The following BMPER variants were observed in gnomAD, a reference collection of about 807,000 sequenced individuals.
BMPER encodes BMP binding endothelial regulator.
Under a neutral mutation model 87.3 loss-of-function variants are expected in BMPER, and 45 were observed. The observed-to-expected ratio is 0.52, with a 90% CI of 0.41 to 0.66. The LOEUF (loss-of-function observed/expected upper bound fraction) is 0.66. Among genes scored for constraint, BMPER ranks in the 30% least tolerant of loss-of-function variants. BMPER has a pLI of 0.00. For missense variants in BMPER, 784 were observed against 867.5 expected, an observed-to-expected ratio of 0.90 and a Z score of 1.21; for synonymous variants, 326 against 316.2, an observed-to-expected ratio of 1.03 and a Z score of -0.33.
chr7:33,944,362 TCGC>T (rs1290639340), intron 3 of BMPER, among the ~76,000 whole-genome samples: 2 of 152,102 alleles, frequency 1.3e-5, no homozygotes, highest in African/African-American at 4.8e-5. Flanking sequence ...AGATGAGGTT[TCGC>T]TGTGTTGGCC....
At position 34,062,017 on chromosome 7, in the gene BMPER, A is replaced by C; in HGVS notation, c.1048A>C (p.Arg350=). The change falls in exon 11 of 15, where the codon AGA becomes CGA. Residue 350 remains arginine, a synonymous_variant. Transcript: ENST00000649409. ...TTCTGATTAGGGCAAAATTCTCAAC[A>C]GAAAAGGATGCTGTCCTATTTGCAC... The part of the protein sequence containing the change: ...SSCPQGKILN[R]KGCCPICTEK... 6.2e-7 allele frequency: 1 copy of C among 1,611,468 alleles called. No individual in the cohort carries two copies. Among genetic ancestry groups the C allele is most frequent in the Non-Finnish European group, 8.5e-7 (1 of 1,179,140 alleles).
chr7:34,104,752 C>T (rs10486628), intron 13 of BMPER, among the ~76,000 whole-genome samples: 23,673 of 152,096 alleles, frequency 0.16, 2,194 homozygotes, highest in Non-Finnish European at 0.2. Flanking sequence ...TGCTTAACTA[C>T]CTGGCCTCTG....
intron 12 of BMPER, 95 bp from the exon 13 acceptor site, chr7:34,085,661 A>C: frequency 8.6e-7 from 1 of 1,159,066 alleles, no homozygotes; most frequent in Non-Finnish European, 1.3e-6. Context: ...ATTGGAGGAC[A>C]GTCAGTCATA....
At chr7:33,965,177 T>TA (rs1185019185) in intron 3 of BMPER, among the ~76,000 whole-genome samples, 1 of 152,210 alleles carries the variant, frequency 6.6e-6, no homozygotes, top group African/African-American at 2.4e-5. Context: ...CAAAGGAAAT[T>TA]AAAAAATATA....
At chr7:34,084,495 A>G (rs1269775875) in intron 12 of BMPER, among the ~76,000 whole-genome samples, 1 of 152,222 alleles carries the variant, frequency 6.6e-6, no homozygotes, top group Non-Finnish European at 1.5e-5. Flanking sequence ...TGCATTCACT[A>G]GTACAAAGTT....
At chr7:34,040,967 AT>A (rs1247927181) in intron 6 of BMPER, among the ~76,000 whole-genome samples, 2 of 152,230 alleles carry the variant, frequency 1.3e-5, no homozygotes, top group African/African-American at 2.4e-5. Context: ...AGCCATTTTG[AT>A]AAAAAGCAGA....
chr7:33,959,425 C>A (rs1415396801), intron 3 of BMPER, among the ~76,000 whole-genome samples: 1 of 152,080 alleles, frequency 6.6e-6, no homozygotes, highest in African/African-American at 2.4e-5. Flanking sequence ...TATTTTCCTT[C>A]TTTCTCCATT....
At chr7:33,994,361 C>T (rs1037346815) in intron 6 of BMPER, among the ~76,000 whole-genome samples, 10 of 152,178 alleles carry the variant, frequency 6.6e-5, no homozygotes, top group African/African-American at 1.7e-4. Flanking sequence ...GCGCGGTATT[C>T]GGGTGGGAGT....
chr7:34,085,861 G>T lies in BMPER; in HGVS notation c.1514G>T (p.Arg505Leu). The change falls in exon 13 of 15, where the codon CGT (arginine) becomes CTT (leucine). Residue 505 changes from arginine (R) to leucine (L), a missense_variant. Coordinates refer to ENST00000649409, the MANE Select transcript of BMPER (RefSeq NM_001365308.1). ...GLCGNYNGHKRDDLIGGDGNF... is the reference protein window; with the variant it reads ...GLCGNYNGHKLDDLIGGDGNF... ...TGTGGCAACTACAATGGACATAAAC[G>T]TGATGACTTAATTGGTGGAGATGGA... 3.1e-6 allele frequency: 5 copies of T among 1,614,168 alleles called. No homozygotes were observed. Among genetic ancestry groups the T allele is most frequent in the Middle Eastern group, 1.6e-4 (1 of 6,062 alleles).
At position 34,058,063 on chromosome 7, in the gene BMPER, G is replaced by A; in HGVS notation, c.932G>A (p.Gly311Glu). 1 of 1,613,992 alleles carries A rather than the reference G, an allele frequency of 6.2e-7. No individual in the cohort carries two copies. The highest frequency in any genetic ancestry group is 8.5e-7 in the Non-Finnish European group (1 of 1,179,898). The change falls in exon 10 of 15, where the codon GGA (glycine) becomes GAA (glutamate). Residue 311 changes from glycine to glutamate, a missense_variant. Gly to Glu is a moderately conservative substitution (Grantham distance 98, BLOSUM62 -2). Coordinates refer to ENST00000649409, the MANE Select transcript of BMPER (RefSeq NM_001365308.1). ...CKFGNKIFQD[G>E]EMWSSINCTI... is the part of the protein sequence containing the mutation. ...ATCCTGTGCCCTCTCTTGTAGGATG[G>A]AGAGATGTGGTCCTCTATCAATTGT...
chr7:33,983,546 G>A (rs1207768079), intron 6 of BMPER, among the ~76,000 whole-genome samples: 1 of 152,020 alleles, frequency 6.6e-6, no homozygotes, highest in Non-Finnish European at 1.5e-5. Flanking sequence ...CAATTGTTCT[G>A]CAACCTAGGA....
At chr7:34,011,458 A>C (rs1786872046) in intron 6 of BMPER, among the ~76,000 whole-genome samples, 1 of 151,698 alleles carries the variant, frequency 6.6e-6, no homozygotes, top group African/African-American at 2.4e-5. Context: ...AAAGTTTCAC[A>C]ATACTCCACT....
intron 3 of BMPER, among the ~76,000 whole-genome samples, chr7:33,960,190 G>T (rs1330553332): frequency 6.6e-6 from 1 of 152,126 alleles, no homozygotes; most frequent in African/African-American, 2.4e-5. Context: ...CTGAGGAAAT[G>T]GTTTGGCTAT....
intron 6 of BMPER, among the ~76,000 whole-genome samples, chr7:34,018,382 G>A (rs971057775): frequency 6.6e-6 from 1 of 151,826 alleles, no homozygotes; most frequent in Non-Finnish European, 1.5e-5. Flanking sequence ...AGCTTTATAT[G>A]GTTCTAGTCT....
intron 13 of BMPER, among the ~76,000 whole-genome samples, chr7:34,129,618 G>GAGAGAGAAAGAGAGAA (rs1233951057): frequency 3.8e-5 from 2 of 52,414 alleles, no homozygotes; most frequent in African/African-American, 1.6e-4. Context: ...GAAAGAGAGA[G>GAGAGAGAAAGAGAGAA]AGAGAGAAAG....
chr7:34,094,210 A>G (rs1015115535), intron 13 of BMPER, among the ~76,000 whole-genome samples: 2 of 152,258 alleles, frequency 1.3e-5, no homozygotes, highest in Non-Finnish European at 2.9e-5. Flanking sequence ...CACCTGCTAC[A>G]TGCTAGGTTC....
intron 11 of BMPER, among the ~76,000 whole-genome samples, chr7:34,077,916 AT>A (rs146407338): frequency 9.9e-4 from 146 of 146,750 alleles, no homozygotes; most frequent in Non-Finnish European, 1.8e-3. Context: ...TGTGCTTTTT[AT>A]TTTTTTTTTA....
intron 12 of BMPER, among the ~76,000 whole-genome samples, chr7:34,083,971 G>C (rs571703127): frequency 4.4e-5 from 6 of 137,614 alleles, no homozygotes; most frequent in Non-Finnish European, 7.7e-5. Flanking sequence ...AATGAAAAAT[G>C]TTTTTGTCAG....
intron 6 of BMPER, among the ~76,000 whole-genome samples, chr7:33,993,805 A>G (rs1363473254): frequency 3.9e-5 from 6 of 152,136 alleles, no homozygotes; most frequent in African/African-American, 1.4e-4. Context: ...TTTGGTATGG[A>G]TGTCCTTTCT....
Sources: allele counts gnomAD v4.1 joint callset (sites outside exome capture counted in the v4.1 genomes callset), GRCh38; gene constraint gnomAD v4.1.1; transcripts MANE v1.5; gene names NCBI Gene and HGNC (gene_info 2026-07-23, HGNC 2026-07-21).